PCDH11X: variants seen among roughly 807,000 people sequenced by gnomAD.
PCDH11X encodes protocadherin 11 X-linked.
Under a neutral mutation model 53.3 loss-of-function variants are expected in PCDH11X, and 18 were observed. The observed-to-expected ratio is 0.34, with a 90% CI of 0.23 to 0.50. The LOEUF (loss-of-function observed/expected upper bound fraction) is 0.50. Ranked by LOEUF, PCDH11X falls within the 20% of genes least tolerant of loss-of-function variation. PCDH11X has a pLI of 0.98. For synonymous variants in PCDH11X, 279 were observed against 393.3 expected, an observed-to-expected ratio of 0.71 and a Z score of 3.44; for missense variants, 570 against 1,032.4, an observed-to-expected ratio of 0.55 and a Z score of 6.14.
rs1444414852 is a variant in PCDH11X, at chrX:92,622,475, G to A, written c.*3535G>A. 1 of 109,492 alleles carries A rather than the reference G, an allele frequency of 9.1e-6. No individual in the cohort carries two copies. The highest frequency in any genetic ancestry group is 3.3e-5 in the African/African-American group (1 of 30,230). The allele number at this position is 109,492 out of a possible 1,213,427, so 9.0% of individuals were successfully genotyped here. A position where few individuals can be genotyped will look rare whatever the true frequency, so the allele number is the denominator to read the frequency against. On this transcript the variant is annotated 3_prime_UTR_variant, in exon 11 of 11. Transcript: ENST00000682573. ...AATACACATTTATGAAAATCTACTT[G>A]TTTAGGCTTTTATTTATACTCTTCT...
At chrX:92,164,487 C>T (rs1358424399) in intron 6 of PCDH11X, among the ~76,000 whole-genome samples, 1 of 111,913 alleles carries the variant, frequency 8.9e-6, no homozygotes, top group Non-Finnish European at 1.9e-5. Flanking sequence ...GCAGGAATAA[C>T]ATGTATTCAT....
At chrX:92,600,193 A>C (rs1299356285) in intron 10 of PCDH11X, among the ~76,000 whole-genome samples, 2 of 104,452 alleles carry the variant, frequency 1.9e-5, no homozygotes, top group African/African-American at 7.5e-5. Flanking sequence ...GAAAAATTCA[A>C]AGCTGGCTGG....
chrX:92,155,617 CTTTTTTTTTT>C (rs775178966), intron 6 of PCDH11X, among the ~76,000 whole-genome samples: 1 of 79,783 alleles, frequency 1.3e-5, no homozygotes, highest in African/African-American at 5.6e-5. Context: ...ACTTCAATAG[CTTTTTTTTTT>C]TTTTTTTTTT....
intron 10 of PCDH11X, among the ~76,000 whole-genome samples, chrX:92,516,344 G>C (rs1168150243): frequency 8.9e-6 from 1 of 112,226 alleles, no homozygotes; most frequent in Non-Finnish European, 1.9e-5. Context: ...GACAATAAAA[G>C]ATTCTGTGAA....
intron 8 of PCDH11X, among the ~76,000 whole-genome samples, chrX:92,338,140 T>A (rs1433759051): frequency 8.9e-6 from 1 of 112,030 alleles, no homozygotes; most frequent in African/African-American, 3.2e-5. Flanking sequence ...TCTGTTCTCA[T>A]GTTTAAATCA....
intron 6 of PCDH11X, among the ~76,000 whole-genome samples, chrX:92,076,430 G>C (rs1287102892): frequency 1.7e-4 from 17 of 99,750 alleles, no homozygotes; most frequent in Non-Finnish European, 2.9e-4. Context: ...GCTATAGTTT[G>C]TTCAGAAATC....
Position 91,932,914 on chromosome X carries a change from A to G in PCDH11X, c.3033+53641A>G, listed in dbSNP as rs868038397. ...TGGCACTCTTGCTCCCACCCTTTTTACCCACAAATCTTAAACACATTTAAG... is the reference window on the plus strand; with the variant it reads ...TGGCACTCTTGCTCCCACCCTTTTTGCCCACAAATCTTAAACACATTTAAG... On this transcript the variant is annotated intron_variant, in intron 6 of 10. Transcript: ENST00000682573. Among the ~76,000 whole-genome samples, 154 of 109,389 alleles carry G rather than the reference A, an allele frequency of 1.4e-3. 2 individuals carry two copies. The highest frequency in any genetic ancestry group is 1.3e-3 in the Non-Finnish European group (70 of 52,442). The allele number at this position is 109,389 out of a possible 115,157, so 95.0% of individuals were successfully genotyped here.
chrX:91,828,970 T>C (rs1282132368), intron 4 of PCDH11X, among the ~76,000 whole-genome samples: 1 of 110,263 alleles, frequency 9.1e-6, no homozygotes, highest in East Asian at 2.8e-4. Context: ...TGCTTTCAAC[T>C]GTTGATTTTA....
chrX:92,154,726 T>A (rs187025648), intron 6 of PCDH11X, among the ~76,000 whole-genome samples: 158 of 108,440 alleles, frequency 1.5e-3, no homozygotes, highest in African/African-American at 5.2e-3. Flanking sequence ...GGCCATTGAC[T>A]AGTGGAACAA....
chrX:92,275,898 T>C (rs911276479), intron 8 of PCDH11X, among the ~76,000 whole-genome samples: 12 of 109,680 alleles, frequency 1.1e-4, no homozygotes, highest in Admixed American at 2.0e-4. Context: ...GTAGAGGTAT[T>C]TTATACTTGT....
At chrX:92,598,165 G>A (rs770720416) in intron 10 of PCDH11X, among the ~76,000 whole-genome samples, 2 of 111,100 alleles carry the variant, frequency 1.8e-5, no homozygotes, top group South Asian at 3.8e-4. Flanking sequence ...AACAGGCAAC[G>A]AAAGCAAAAA....
intron 10 of PCDH11X, among the ~76,000 whole-genome samples, chrX:92,563,715 T>A (rs985508343): frequency 1.8e-5 from 2 of 111,648 alleles, no homozygotes; most frequent in African/African-American, 6.5e-5. Context: ...TGTTCTTCAG[T>A]TTGAAAGAAA....
At chrX:92,147,849 T>TTCTTTCTTTCTTTCTTTC (rs2065308202) in intron 6 of PCDH11X, among the ~76,000 whole-genome samples, 1 of 103,029 alleles carries the variant, frequency 9.7e-6, no homozygotes, top group African/African-American at 3.6e-5. Flanking sequence ...CTTTCTTTCT[T>TTCTTTCTTTCTTTCTTTC]TCTTTTTTCT....
intron 6 of PCDH11X, among the ~76,000 whole-genome samples, chrX:91,964,064 C>A (rs1187368931): frequency 3.7e-5 from 4 of 108,615 alleles, no homozygotes; most frequent in Non-Finnish European, 7.6e-5. Context: ...CAAACCATAT[C>A]AAGCAACATC....
intron 6 of PCDH11X, among the ~76,000 whole-genome samples, chrX:92,160,342 T>C (rs2759803): frequency 4.5e-5 from 5 of 110,816 alleles, no homozygotes; most frequent in African/African-American, 6.6e-5. Context: ...TCCCAAAGTC[T>C]GCTGCATTAT....
At chrX:92,336,008 T>G in intron 8 of PCDH11X, among the ~76,000 whole-genome samples, 1 of 111,643 alleles carries the variant, frequency 9.0e-6, no homozygotes, top group East Asian at 2.8e-4. Context: ...GTATTTTAAA[T>G]GTTTGTAGAT....
chrX:92,065,933 C>T (rs2063601447), intron 6 of PCDH11X, among the ~76,000 whole-genome samples: 1 of 111,592 alleles, frequency 9.0e-6, no homozygotes, highest in African/African-American at 3.3e-5. Context: ...AATTTTTGCC[C>T]AAAACAATGT....
At chrX:92,520,142 G>C (rs1266394374) in intron 10 of PCDH11X, among the ~76,000 whole-genome samples, 1 of 109,957 alleles carries the variant, frequency 9.1e-6, no homozygotes, top group Non-Finnish European at 1.9e-5. Flanking sequence ...GGTATTTATA[G>C]AATAAGCATA....
chrX:92,197,659 C>T (rs1255692602), intron 6 of PCDH11X, among the ~76,000 whole-genome samples: 2 of 111,971 alleles, frequency 1.8e-5, no homozygotes, highest in Non-Finnish European at 3.8e-5. Context: ...AAAAATATCT[C>T]ATATGCATGT....
Sources: gnomAD v4.1 joint callset for allele counts (sites outside exome capture counted in the v4.1 genomes callset) on GRCh38, gnomAD v4.1.1 for gene constraint, MANE v1.5 for transcripts, NCBI Gene and HGNC (gene_info 2026-07-23, HGNC 2026-07-21) for gene names.